Variants in MDGA2 observed in about 807,000 individuals in gnomAD.
MDGA2 encodes the protein MAM domain containing glycosylphosphatidylinositol anchor 2.
Under a neutral mutation model 117.8 loss-of-function variants are expected in MDGA2, and 40 were observed. The observed-to-expected ratio is 0.34, with a 90% CI of 0.26 to 0.44. The LOEUF is 0.44. MDGA2 is among the 20% of genes least tolerant of loss of function. The probability of loss-of-function intolerance (pLI) is 1.00; values close to 1 mark genes in which losing one functional copy is unlikely to be tolerated. For synonymous variants in MDGA2, 452 were observed against 439.0 expected (o/e 1.03, Z -0.37); for missense variants, 1,123 against 1,250.6 (o/e 0.90, Z 1.54).
intron 1 of MDGA2, among the ~76,000 whole-genome samples, chr14:47,555,198 A>G (rs777467038): frequency 6.6e-6 from 1 of 152,312 alleles, no homozygotes; most frequent in Middle Eastern, 3.4e-3. Context: ...AATATTTTTA[A>G]CCAAGGTCGT....
chr14:47,606,746 A>C (rs1239815123), intron 1 of MDGA2, among the ~76,000 whole-genome samples: 1 of 152,196 alleles, frequency 6.6e-6, no homozygotes, highest in Non-Finnish European at 1.5e-5. Context: ...TTGTAGGACA[A>C]AAAGAGCTGC....
intron 1 of MDGA2, among the ~76,000 whole-genome samples, chr14:47,491,696 C>T (rs553133463): frequency 6.6e-6 from 1 of 151,616 alleles, no homozygotes; most frequent in South Asian, 2.1e-4. Flanking sequence ...TTTTTTTCTC[C>T]CCAAGAATAC....
chr14:46,899,877 G>C (rs1478035796), intron 10 of MDGA2, among the ~76,000 whole-genome samples: 1 of 151,988 alleles, frequency 6.6e-6, no homozygotes, highest in Admixed American at 6.6e-5. Flanking sequence ...CTCTCAGAAG[G>C]CATCAGTAGA....
Position 47,030,557 on chromosome 14 carries a change from A to G in MDGA2, c.1819+4454T>C, listed in dbSNP as rs375352245. Reference sequence around the variant, plus strand: ...AAAGAAAGTTGTTTCAGTTTTGTTCAGTAAGCTCTATACATACTATGATTT... The same window carrying G: ...AAAGAAAGTTGTTTCAGTTTTGTTCGGTAAGCTCTATACATACTATGATTT... On this transcript the variant is annotated intron_variant, in intron 8 of 16. Coordinates refer to ENST00000399232, the MANE Select transcript of MDGA2 (RefSeq NM_001113498.3). 2.6e-5 allele frequency among the ~76,000 whole-genome samples: 4 copies of G among 152,146 alleles called. No individual in the cohort carries two copies. In the South Asian group the frequency reaches 6.2e-4, roughly 24 times the overall value.
intron 1 of MDGA2, among the ~76,000 whole-genome samples, chr14:47,489,927 C>G (rs1041468441): frequency 1.3e-5 from 2 of 152,032 alleles, no homozygotes; most frequent in African/African-American, 4.8e-5. Flanking sequence ...CTCTCAAGAT[C>G]AGAAGTTACT....
chr14:47,571,813 G>A (rs1055036783), intron 1 of MDGA2, among the ~76,000 whole-genome samples: 5 of 152,040 alleles, frequency 3.3e-5, no homozygotes, highest in Admixed American at 6.6e-5. Flanking sequence ...TGTAGATGAC[G>A]GGTTGATGGG....
chr14:47,612,912 C>A (rs747123158), intron 1 of MDGA2, among the ~76,000 whole-genome samples: 1 of 152,146 alleles, frequency 6.6e-6, no homozygotes, highest in Admixed American at 6.6e-5. Context: ...AGTTTATTAG[C>A]AGGACCTAAT....
chr14:47,655,391 T>A (rs1319265306), intron 1 of MDGA2, among the ~76,000 whole-genome samples: 1 of 152,152 alleles, frequency 6.6e-6, no homozygotes. Flanking sequence ...TCCTCTGCCA[T>A]AATACAGTCT....
intron 8 of MDGA2, among the ~76,000 whole-genome samples, chr14:46,963,665 C>A (rs1484770611): frequency 6.6e-6 from 1 of 152,162 alleles, no homozygotes; most frequent in Non-Finnish European, 1.5e-5. Context: ...GGAAGCCCAT[C>A]TTTGATGACA....
chr14:47,112,536 G>T (rs1881098304), intron 5 of MDGA2, among the ~76,000 whole-genome samples: 1 of 152,112 alleles, frequency 6.6e-6, no homozygotes, highest in Admixed American at 6.6e-5. Context: ...TGAATAAAAT[G>T]GCTTTAAACT....
intron 1 of MDGA2, among the ~76,000 whole-genome samples, chr14:47,399,115 A>G (rs1892077783): frequency 6.6e-6 from 1 of 152,190 alleles, no homozygotes; most frequent in South Asian, 2.1e-4. Context: ...TTTGGTAAAA[A>G]TTTTGGTATT....
chr14:47,549,445 C>G (rs1037258241), intron 1 of MDGA2, among the ~76,000 whole-genome samples: 16 of 151,266 alleles, frequency 1.1e-4, no homozygotes, highest in Non-Finnish European at 2.4e-4. Flanking sequence ...ACTTTACTAC[C>G]CAGAGTCAAT....
At chr14:47,370,495 TTTTGTGTGTG>T (rs1891329142) in intron 1 of MDGA2, among the ~76,000 whole-genome samples, 2 of 58,566 alleles carry the variant, frequency 3.4e-5, no homozygotes, top group South Asian at 1.0e-3. Flanking sequence ...TTTTTTTTTT[TTTTGTGTGTG>T]TGTGTGTGTG....
rs532590115 is a variant in MDGA2, at chr14:47,645,936, C to T, written c.280+28581G>A. Among the ~76,000 whole-genome samples the T allele has an allele frequency of 4.5e-4, 69 of 151,750 alleles. 1 individual carries two copies. The highest frequency in any genetic ancestry group is 1.5e-3 in the African/African-American group (64 of 41,416). ...AAATACAAAAGAAAAAAAAATTAGC[C>T]GGGCGTGGTGGCAGGCTCCTGTAGT... On this transcript the variant is annotated intron_variant, in intron 1 of 16. Transcript: ENST00000399232.
intron 2 of MDGA2, among the ~76,000 whole-genome samples, chr14:47,268,267 G>T (rs1888031031): frequency 6.6e-6 from 1 of 151,716 alleles, no homozygotes; most frequent in Non-Finnish European, 1.5e-5. Context: ...TAGAGACGGG[G>T]TTTCACCATG....
chr14:47,174,082 C>T (rs1375983449), intron 3 of MDGA2, among the ~76,000 whole-genome samples: 2 of 152,116 alleles, frequency 1.3e-5, no homozygotes, highest in Non-Finnish European at 2.9e-5. Flanking sequence ...GGGATCGATT[C>T]AACAAGAAGA....
chr14:46,998,098 G>A (rs556340273), intron 8 of MDGA2, among the ~76,000 whole-genome samples: 1 of 152,136 alleles, frequency 6.6e-6, no homozygotes, highest in South Asian at 2.1e-4. Flanking sequence ...TATTTTTGAA[G>A]AGCCCTGAAG....
At chr14:47,598,000 T>C (rs933258492) in intron 1 of MDGA2, among the ~76,000 whole-genome samples, 2 of 152,072 alleles carry the variant, frequency 1.3e-5, no homozygotes, top group Admixed American at 6.6e-5. Flanking sequence ...CTATAAGACA[T>C]AGTCATAAAG....
chr14:47,554,817 CTTTCT>C (rs1895653687), intron 1 of MDGA2, among the ~76,000 whole-genome samples: 1 of 152,168 alleles, frequency 6.6e-6, no homozygotes, highest in African/African-American at 2.4e-5. Context: ...CCTTCAAATG[CTTTCT>C]TTTATCAGTG....
Sources: gnomAD v4.1 joint callset for allele counts (sites outside exome capture counted in the v4.1 genomes callset) on GRCh38, gnomAD v4.1.1 for gene constraint, MANE v1.5 for transcripts, NCBI Gene and HGNC (gene_info 2026-07-23, HGNC 2026-07-21) for gene names.